Variants in FAT4 observed in about 807,000 individuals in gnomAD.
FAT4 encodes the protein protocadherin Fat 4.
In FAT4, 84 loss-of-function variants were observed where a neutral mutation model predicts 303.9. The ratio of observed to expected loss-of-function variants is 0.28; its 90% CI spans 0.23 to 0.33. The LOEUF (loss-of-function observed/expected upper bound fraction) is 0.33, where lower values mean the gene tolerates loss of function less well. Among genes scored for constraint, FAT4 ranks in the 10% least tolerant of loss-of-function variants. The pLI is 1.00. For missense variants in FAT4, 6,005 were observed against 6,146.8 expected (o/e 0.98, Z 0.77); for synonymous variants, 2,307 against 2,298.8 (o/e 1.00, Z -0.10).
At position 125,317,998 on chromosome 4, in the gene FAT4, C is replaced by T. The variant is rs770456067; in HGVS notation, c.1587C>T (p.Ser529=). ...GATGGTTCCATATCAGTGAACATAG[C>T]GGCCTCGTGACCACTGGGTCCTCTG... The part of the protein sequence containing the change: ...GLGWFHISEH[S]GLVTTGSSGG... The change falls in exon 2 of 18, where the codon AGC becomes AGT. Residue 529 remains serine (S), a synonymous_variant. Coordinates refer to ENST00000394329, the MANE Select transcript of FAT4 (RefSeq NM_001291303.3). This position sits in a 1 kb window ranked among gnomAD's most constrained non-coding sequence, Gnocchi z 7.0. 33 of 1,614,080 alleles carry T rather than the reference C, an allele frequency of 2.0e-5. No individual in the cohort carries two copies. Among genetic ancestry groups the T allele is most frequent in the South Asian group, 3.3e-5 (3 of 91,082 alleles).
intron 2 of FAT4, among the ~76,000 whole-genome samples, chr4:125,370,274 G>C (rs1733056349): frequency 6.6e-6 from 1 of 152,048 alleles, no homozygotes; most frequent in Non-Finnish European, 1.5e-5. Context: ...CTGTGTTAAG[G>C]GCTTTTATAT....
intron 8 of FAT4, among the ~76,000 whole-genome samples, chr4:125,439,739 C>G (rs1183421207): frequency 6.6e-6 from 1 of 152,076 alleles, no homozygotes; most frequent in Non-Finnish European, 1.5e-5. Context: ...TCTTCAAGTT[C>G]TCTCTCTTCC....
chr4:125,449,371 C>A lies in FAT4; in HGVS notation c.8361C>A (p.Ser2787=). 1 of 1,613,680 alleles carries A rather than the reference C, an allele frequency of 6.2e-7. No individual in the cohort carries two copies. The highest frequency in any genetic ancestry group is 8.5e-7 in the Non-Finnish European group (1 of 1,179,810). ...QIFSAHVPEN[S]PLGYTVTRVT... ...TTAGTGCCCATGTTCCTGAAAATTC[C>A]CCCTTAGGATACACAGTTACCCGTG... Residue 2787 remains serine, a synonymous_variant, in exon 10 of 18, where the codon TCC becomes TCA. Transcript: ENST00000394329.
At chr4:125,333,042 A>G (rs1296653560) in intron 2 of FAT4, among the ~76,000 whole-genome samples, 2 of 152,114 alleles carry the variant, frequency 1.3e-5, no homozygotes, top group East Asian at 1.9e-4. Flanking sequence ...GCAGTTTACA[A>G]AAGTATATAT....
Position 125,415,154 on chromosome 4 carries a change from C to G in FAT4, c.6191C>G (p.Pro2064Arg). ...PKLTYIPENT[P>R]IDTVVFKAQA... ...TTGACATACATTCCAGAAAATACAC[C>G]TATTGATACTGTTGTTTTCAAAGCT... Residue 2064 changes from proline to arginine, a missense_variant, in exon 6 of 18, where the codon CCT (proline) becomes CGT (arginine). Pro to Arg is a moderately radical substitution (Grantham distance 103). Transcript: ENST00000394329. 6.2e-7 allele frequency: 1 copy of G among 1,613,996 alleles called. No individual in the cohort carries two copies. The highest frequency in any genetic ancestry group is 8.5e-7 in the Non-Finnish European group (1 of 1,179,964).
intron 2 of FAT4, among the ~76,000 whole-genome samples, chr4:125,390,179 T>C (rs1465521044): frequency 6.6e-6 from 1 of 152,166 alleles, no homozygotes; most frequent in Non-Finnish European, 1.5e-5. Context: ...ATAGTACAAT[T>C]AGGCGTTGAA....
intron 2 of FAT4, among the ~76,000 whole-genome samples, chr4:125,381,657 G>C (rs1733547432): frequency 6.6e-6 from 1 of 152,174 alleles, no homozygotes; most frequent in Non-Finnish European, 1.5e-5. Flanking sequence ...GGTGGTAATT[G>C]CTGAAGGTTG....
intron 11 of FAT4, among the ~76,000 whole-genome samples, chr4:125,467,893 G>A (rs536341073): frequency 5.3e-5 from 8 of 152,238 alleles, no homozygotes; most frequent in African/African-American, 1.2e-4. Context: ...GGCCGCTTGC[G>A]GTAGCTCATG....
chr4:125,444,359 T>C (rs1725756863), intron 8 of FAT4, among the ~76,000 whole-genome samples: 1 of 152,130 alleles, frequency 6.6e-6, no homozygotes, highest in South Asian at 2.1e-4. Context: ...GGAATCAGGC[T>C]GAACTCATTC....
Position 125,316,645 on chromosome 4 carries a change from C to A in FAT4, c.234C>A (p.His78Gln), listed in dbSNP as rs1302175421. Residue 78 changes from histidine (H) to glutamine (Q), a missense_variant, in exon 2 of 18, where the codon CAC (histidine) becomes CAA (glutamine). Transcript: ENST00000394329. The surrounding 1 kb of genome is among the most constrained non-coding windows in gnomAD (Gnocchi z 5.7). ...PGFTYRLSES[H>Q]ALFAINSSTG... The stretch of plus-strand genomic sequence containing the variant: ...TCACCTACAGGCTCAGCGAAAGCCA[C>A]GCCCTGTTTGCCATAAACAGTAGCA... 10 of 1,613,806 alleles carry A rather than the reference C, an allele frequency of 6.2e-6. No homozygotes were observed. The highest frequency in any genetic ancestry group is 8.5e-6 in the Non-Finnish European group (10 of 1,180,034).
At position 125,321,504 on chromosome 4, in the gene FAT4, G is replaced by C; in HGVS notation, c.5093G>C (p.Arg1698Pro). The change falls in exon 2 of 18, where the codon CGG becomes CCG. Residue 1698 changes from arginine to proline, a missense_variant. Arg to Pro is a moderately radical substitution (Grantham distance 103). Transcript: ENST00000394329. ...ATTCAGACCGCAGCCATTCTGGACC[G>C]GGAGCAAGGAGCATGTCTTTACCTG... ...GIIQTAAILDREQGACLYLVD... is the reference protein window; with the variant it reads ...GIIQTAAILDPEQGACLYLVD... 6.2e-7 allele frequency: 1 copy of C among 1,614,050 alleles called. No individual in the cohort carries two copies. The highest frequency in any genetic ancestry group is 8.5e-7 in the Non-Finnish European group (1 of 1,179,966).
chr4:125,404,593 G>A (rs1734515417), intron 3 of FAT4, among the ~76,000 whole-genome samples: 1 of 152,088 alleles, frequency 6.6e-6, no homozygotes, highest in African/African-American at 2.4e-5. Context: ...ATTAATGTGA[G>A]ATCTGCCCTT....
chr4:125,462,876 C>T (rs1409961008), intron 10 of FAT4, among the ~76,000 whole-genome samples: 1 of 151,918 alleles, frequency 6.6e-6, no homozygotes, highest in Non-Finnish European at 1.5e-5. Context: ...TCATGTCTGG[C>T]CCATAATAAG....
At chr4:125,352,858 T>C (rs1227893451) in intron 2 of FAT4, among the ~76,000 whole-genome samples, 1 of 151,748 alleles carries the variant, frequency 6.6e-6, no homozygotes, top group African/African-American at 2.4e-5. Context: ...GTATAAGCCA[T>C]AAGACTACAC....
Position 125,415,152 on chromosome 4 carries a change from A to G in FAT4, c.6189A>G (p.Thr2063=), listed in dbSNP as rs561664626. The change falls in exon 6 of 18, where the codon ACA becomes ACG. Residue 2063 remains threonine (T), a synonymous_variant. Transcript: ENST00000394329. ...AATTGACATACATTCCAGAAAATAC[A>G]CCTATTGATACTGTTGTTTTCAAAG... ...SPKLTYIPEN[T]PIDTVVFKAQ... is the part of the protein sequence containing the mutation. 2 of 1,614,056 alleles carry G rather than the reference A, an allele frequency of 1.2e-6. No homozygotes were observed. The highest frequency in any genetic ancestry group is 1.7e-6 in the Non-Finnish European group (2 of 1,179,974).
intron 7 of FAT4, among the ~76,000 whole-genome samples, chr4:125,430,902 T>G (rs922194587): frequency 7.9e-5 from 12 of 152,352 alleles, no homozygotes; most frequent in African/African-American, 2.9e-4. Flanking sequence ...CCTGAGTGCT[T>G]TGAAAATCAT....
At position 125,450,223 on chromosome 4, in the gene FAT4, T is replaced by G. The variant is rs756165962; in HGVS notation, c.9213T>G (p.Leu3071=). 1.9e-6 allele frequency: 3 copies of G among 1,613,986 alleles called. No homozygotes were observed. The South Asian group carries it at 3.3e-5, about 18-fold the overall frequency. ...VTAKDKGNPP[L]SSQATVHITV... is the part of the protein sequence containing the mutation. ...CAAAGGATAAGGGAAACCCTCCACT[T>G]TCTTCCCAAGCAACTGTTCACATAA... The change falls in exon 10 of 18, where the codon CTT becomes CTG. Residue 3071 remains leucine (L), a synonymous_variant. Coordinates refer to ENST00000394329, the MANE Select transcript of FAT4 (RefSeq NM_001291303.3).
intron 5 of FAT4, among the ~76,000 whole-genome samples, chr4:125,411,323 G>A (rs939631755): frequency 4.0e-5 from 6 of 151,872 alleles, no homozygotes; most frequent in Non-Finnish European, 7.4e-5. Flanking sequence ...CTAAGCATGC[G>A]GTATTACATT....
chr4:125,336,927 T>C (rs1453428733), intron 2 of FAT4, among the ~76,000 whole-genome samples: 1 of 152,032 alleles, frequency 6.6e-6, no homozygotes, highest in Non-Finnish European at 1.5e-5. Context: ...GCATTACAAA[T>C]ATATCATTTA....
Sources: gnomAD v4.1 joint callset for allele counts (sites outside exome capture counted in the v4.1 genomes callset) on GRCh38, gnomAD v4.1.1 for gene constraint, Gnocchi (gnomAD v3.1) non-coding constraint, MANE v1.5 for transcripts, NCBI Gene and HGNC (gene_info 2026-07-23, HGNC 2026-07-21) for gene names.